Variants in ITGAM observed in about 807,000 individuals in gnomAD.
ITGAM encodes integrin subunit alpha M.
Under a neutral mutation model 137.5 loss-of-function variants are expected in ITGAM, and 79 were observed. That is an observed-to-expected ratio of 0.57 (90% confidence interval 0.48 to 0.69). The LOEUF (loss-of-function observed/expected upper bound fraction) is 0.69. ITGAM is among the 30% of genes least tolerant of loss of function. The probability of loss-of-function intolerance (pLI) is 0.00; values close to 1 mark genes in which losing one functional copy is unlikely to be tolerated. For missense variants in ITGAM, 1,343 were observed against 1,483.5 expected (o/e 0.91, Z 1.56); for synonymous variants, 583 against 592.3 (o/e 0.98, Z 0.23).
chr16:31,298,743 C>T (rs1475516129), intron 14 of ITGAM, among the ~76,000 whole-genome samples: 3 of 152,232 alleles, frequency 2.0e-5, no homozygotes, highest in Non-Finnish European at 4.4e-5. Context: ...CTCTCAGAAT[C>T]GCCCTGTGCT....
chr16:31,272,077 A>G, intron 7 of ITGAM, 85 bp downstream of exon 7: 1 of 1,529,128 alleles, frequency 6.5e-7, no homozygotes, highest in Non-Finnish European at 9.0e-7. Context: ...CCGTTCAGAC[A>G]GGGGTGGTAG....
chr16:31,300,568 T>C (rs2080187680), intron 14 of ITGAM, among the ~76,000 whole-genome samples: 1 of 152,210 alleles, frequency 6.6e-6, no homozygotes, highest in Non-Finnish European at 1.5e-5. Flanking sequence ...ATTGGGCATT[T>C]TTGTGTCTGA....
chr16:31,307,516 G>A (rs1465832194), intron 14 of ITGAM, among the ~76,000 whole-genome samples: 3 of 152,212 alleles, frequency 2.0e-5, no homozygotes, highest in Admixed American at 1.3e-4. Context: ...AGACTTTGCT[G>A]AAGTTGCTTA....
intron 16 of ITGAM, among the ~76,000 whole-genome samples, chr16:31,323,870 C>T (rs183512257): frequency 3.2e-4 from 48 of 151,688 alleles, no homozygotes; most frequent in Admixed American, 2.5e-3. Flanking sequence ...AAAATTAGCA[C>T]GGCGTGGTGG....
chr16:31,326,244 C>T (rs1327672343), intron 21 of ITGAM, among the ~76,000 whole-genome samples: 1 of 152,082 alleles, frequency 6.6e-6, no homozygotes, highest in Non-Finnish European at 1.5e-5. Context: ...CAGCCCTATG[C>T]AACCACTAAT....
Position 31,324,865 on chromosome 16 carries a change from C to T in ITGAM, c.2289+83C>T. 6.4e-7 allele frequency: 1 copy of T among 1,552,708 alleles called. No individual in the cohort carries two copies. The highest frequency in any genetic ancestry group is 1.2e-5 in the South Asian group (1 of 81,808). On this transcript the variant is annotated intron_variant, in intron 18 of 29. Transcript: ENST00000544665. The surrounding 1 kb of genome is among the most constrained non-coding windows in gnomAD (Gnocchi z 4.5). Reference sequence around the variant, plus strand: ...TGAAACTCATTTTATTTGATTGCATCTAATTTTACTTCAACATTTGATTTT... The same window carrying T: ...TGAAACTCATTTTATTTGATTGCATTTAATTTTACTTCAACATTTGATTTT...
chr16:31,300,768 G>A (rs1206225197), intron 14 of ITGAM, among the ~76,000 whole-genome samples: 1 of 152,048 alleles, frequency 6.6e-6, no homozygotes, highest in Non-Finnish European at 1.5e-5. Context: ...AAAATTAGCC[G>A]GGCTGTGGTG....
Position 31,325,291 on chromosome 16 carries a change from C to T in ITGAM, c.2392C>T (p.Arg798Trp), listed in dbSNP as rs1314053426. 12 of 1,613,416 alleles carry T rather than the reference C, an allele frequency of 7.4e-6. No homozygotes were observed. Among genetic ancestry groups the T allele is most frequent in the Middle Eastern group, 1.6e-4 (1 of 6,082 alleles). The change falls in exon 20 of 30, where the codon CGG becomes TGG. Residue 798 changes from arginine to tryptophan, a missense_variant. By Grantham distance (101) the Arg-to-Trp change is moderately radical. Transcript: ENST00000544665. ...SLDCLVVGGP[R>W]EFNVTVTVRN... ...GGACTGCCTCGTGGTGGGTGGGCCC[C>T]GGGAGTTCAACGTGACAGTGACTGT...
chr16:31,325,124 C>T, intron 19 of ITGAM, 93 bp downstream of exon 19: 4 of 1,466,968 alleles, frequency 2.7e-6, no homozygotes, highest in African/African-American at 1.4e-5. Context: ...GCCGGGTGTT[C>T]CTGGGCTATA....
chr16:31,291,957 A>G (rs1024070079), intron 12 of ITGAM, among the ~76,000 whole-genome samples: 1 of 152,114 alleles, frequency 6.6e-6, no homozygotes, highest in African/African-American at 2.4e-5. Flanking sequence ...GTTCCCAGCA[A>G]AAGAAATGAT....
At chr16:31,329,033 G>T in intron 23 of ITGAM, 195 bp from the exon 24 acceptor site, 1 of 639,990 alleles carries the variant, frequency 1.6e-6, no homozygotes, top group Non-Finnish European at 2.8e-6. Flanking sequence ...TGTGTGAGTG[G>T]CCCAAATGGG....
At chr16:31,277,071 T>A (rs1404934621) in intron 11 of ITGAM, 22 bp downstream of exon 11, 1 of 1,597,240 alleles carries the variant, frequency 6.3e-7, no homozygotes, top group Non-Finnish European at 8.5e-7. Flanking sequence ...GGGCAAGGGT[T>A]ACTCTAAGAA....
chr16:31,317,176 C>T (rs1223451343), intron 14 of ITGAM, among the ~76,000 whole-genome samples: 1 of 152,002 alleles, frequency 6.6e-6, no homozygotes, highest in African/African-American at 2.4e-5. Context: ...TGCCTTGTTC[C>T]TAATTTTAGT....
rs535781092 is a variant in ITGAM at position 31,265,513 on chromosome 16, C to A, written c.238+15C>A. ...CCGCCTGCAGGGTGAGTCACTGCCC[C>A]GCCGGGCTGGGACTGGGATTCCCCT... On this transcript the variant is annotated intron_variant, in intron 3 of 29. Coordinates refer to ENST00000544665, the MANE Select transcript of ITGAM (RefSeq NM_000632.4). 1.3e-6 allele frequency: 2 copies of A among 1,531,858 alleles called. No homozygotes were observed. The highest frequency in any genetic ancestry group is 1.8e-6 in the Non-Finnish European group (2 of 1,120,938). The allele number at this position is 1,531,858 out of a possible 1,614,324, so 94.9% of individuals were successfully genotyped here.
At position 31,324,682 on chromosome 16, in the gene ITGAM, T is replaced by C; in HGVS notation, c.2189T>C (p.Val730Ala). ...NCIEDPVSPIVLRLNFSLVGT... is the reference protein window; with the variant it reads ...NCIEDPVSPIALRLNFSLVGT... The stretch of plus-strand genomic sequence containing the variant: ...ATCGAGGACCCAGTGAGCCCCATTG[T>C]GCTGCGCCTGAACTTCTCTCTGGTG... The change falls in exon 18 of 30, where the codon GTG becomes GCG. Residue 730 changes from valine to alanine, a missense_variant. Val to Ala is a moderately conservative substitution (Grantham distance 64, BLOSUM62 0). Transcript: ENST00000544665. The surrounding 1 kb of genome is among the most constrained non-coding windows in gnomAD (Gnocchi z 4.5). 8 of 1,603,144 alleles carry C rather than the reference T, an allele frequency of 5.0e-6. No homozygotes were observed. The highest frequency in any genetic ancestry group is 6.8e-6 in the Non-Finnish European group (8 of 1,175,082).
chr16:31,278,904 C>T (rs1171166449), intron 12 of ITGAM, among the ~76,000 whole-genome samples: 4 of 152,256 alleles, frequency 2.6e-5, no homozygotes, highest in African/African-American at 7.2e-5. Context: ...CACCCTACGA[C>T]GGGCCCTGGT....
chr16:31,271,439 G>A (rs1184088838), intron 6 of ITGAM, among the ~76,000 whole-genome samples: 2 of 152,164 alleles, frequency 1.3e-5, no homozygotes, highest in South Asian at 2.1e-4. Flanking sequence ...TGCAACCTCC[G>A]CCTCCCGGGT....
intron 5 of ITGAM, among the ~76,000 whole-genome samples, chr16:31,270,476 C>T (rs962116789): frequency 1.3e-5 from 2 of 150,784 alleles, no homozygotes; most frequent in African/African-American, 2.4e-5. Context: ...GCAGAATTAA[C>T]GAAAATTTTC....
At chr16:31,328,900 A>C in intron 23 of ITGAM, 1 of 431,288 alleles carries the variant, frequency 2.3e-6, no homozygotes, top group East Asian at 4.7e-5. Context: ...GTATTCGTGC[A>C]TGTGTGTGTG....
Sources: gnomAD v4.1 joint callset for allele counts (sites outside exome capture counted in the v4.1 genomes callset) on GRCh38, gnomAD v4.1.1 for gene constraint, Gnocchi (gnomAD v3.1) non-coding constraint, MANE v1.5 for transcripts, NCBI Gene and HGNC (gene_info 2026-07-23, HGNC 2026-07-21) for gene names.